GPATCH2: variants seen among roughly 807,000 people sequenced by gnomAD.
The protein encoded by GPATCH2 is G-patch domain containing 2.
A neutral mutation model predicts 58.0 loss-of-function variants in GPATCH2; 51 were observed. The observed-to-expected ratio is 0.88, with a 90% CI of 0.70 to 1.11. The LOEUF (loss-of-function observed/expected upper bound fraction) is 1.11, where lower values mean the gene tolerates loss of function less well. GPATCH2 is among the 50% of genes most tolerant of loss of function. The pLI is 0.00. For missense variants in GPATCH2, 625 were observed against 652.2 expected (o/e 0.96, Z 0.45); for synonymous variants, 222 against 218.5 (o/e 1.02, Z -0.14).
chr1:217,543,218 T>A (rs1477940590), intron 5 of GPATCH2, among the ~76,000 whole-genome samples: 2 of 152,020 alleles, frequency 1.3e-5, no homozygotes, highest in African/African-American at 4.8e-5. Flanking sequence ...AGAGTCAGTT[T>A]TAGATTTATG....
chr1:217,453,762 C>T lies in GPATCH2; in HGVS notation c.1278-4425G>A, dbSNP rs373170470. Among the ~76,000 whole-genome samples the T allele has an allele frequency of 1.2e-4, 19 of 152,182 alleles. No homozygotes were observed. The South Asian group carries it at 2.1e-3, about 17-fold the overall frequency. ...GCTTTTGACACGGGCTGACAAGGAC[C>T]GAAGCAGGCAGTGTCAGACGCAATA... On this transcript the variant is annotated intron_variant, in intron 8 of 9. Coordinates refer to ENST00000366935, the MANE Select transcript of GPATCH2 (RefSeq NM_018040.5).
intron 5 of GPATCH2, among the ~76,000 whole-genome samples, chr1:217,543,627 T>C (rs957926650): frequency 2.0e-5 from 3 of 152,144 alleles, no homozygotes; most frequent in African/African-American, 7.2e-5. Context: ...AAGTCATCTT[T>C]GTCTGACTTA....
intron 1 of GPATCH2, among the ~76,000 whole-genome samples, chr1:217,622,199 T>A (rs1360721078): frequency 6.6e-6 from 1 of 152,082 alleles, no homozygotes; most frequent in Non-Finnish European, 1.5e-5. Context: ...TAGGTAGCTA[T>A]TACATGGTTT....
chr1:217,455,418 C>T (rs1659896554), intron 8 of GPATCH2, among the ~76,000 whole-genome samples: 1 of 152,110 alleles, frequency 6.6e-6, no homozygotes, highest in African/African-American at 2.4e-5. Context: ...TGTTGATTAA[C>T]CTTCCACCAC....
intron 1 of GPATCH2, among the ~76,000 whole-genome samples, chr1:217,627,444 T>TA (rs1032027711): frequency 6.6e-6 from 1 of 151,396 alleles, no homozygotes; most frequent in Admixed American, 6.6e-5. Context: ...TCTATGGAGC[T>TA]AAAAAAAAAT....
At chr1:217,571,445 C>A (rs1174172616) in intron 5 of GPATCH2, among the ~76,000 whole-genome samples, 1 of 150,500 alleles carries the variant, frequency 6.6e-6, no homozygotes, top group East Asian at 2.0e-4. Flanking sequence ...GTTCCCAGAG[C>A]AAATGAAGAA....
chr1:217,513,633 A>T (rs573161782), intron 6 of GPATCH2, among the ~76,000 whole-genome samples: 8 of 152,314 alleles, frequency 5.3e-5, no homozygotes, highest in Non-Finnish European at 1.0e-4. Flanking sequence ...AGAACGAATT[A>T]ACCCCTGGAA....
At chr1:217,466,287 GA>G (rs59706923) in intron 8 of GPATCH2, among the ~76,000 whole-genome samples, 48,824 of 144,990 alleles carry the variant, frequency 0.34, 8,832 homozygotes, top group Admixed American at 0.52. Context: ...AACTAGAACT[GA>G]AAAAAAAAAA....
intron 8 of GPATCH2, among the ~76,000 whole-genome samples, chr1:217,458,281 A>G (rs1660048476): frequency 6.6e-6 from 1 of 152,120 alleles, no homozygotes; most frequent in Non-Finnish European, 1.5e-5. Context: ...GCTTTATCTA[A>G]AGCCTAGAGG....
chr1:217,441,965 C>A (rs545064789), intron 9 of GPATCH2, among the ~76,000 whole-genome samples: 1 of 152,092 alleles, frequency 6.6e-6, no homozygotes, highest in East Asian at 1.9e-4. Context: ...CCAGAAATAC[C>A]ATTTGACCCA....
chr1:217,436,757 T>G (rs1190415267), intron 9 of GPATCH2, among the ~76,000 whole-genome samples: 1 of 152,156 alleles, frequency 6.6e-6, no homozygotes, highest in African/African-American at 2.4e-5. Context: ...TTGGCCCCAT[T>G]TTGTAGATGT....
At chr1:217,469,984 G>T (rs1048128327) in intron 8 of GPATCH2, among the ~76,000 whole-genome samples, 1 of 152,086 alleles carries the variant, frequency 6.6e-6, no homozygotes, top group Non-Finnish European at 1.5e-5. Context: ...TTACACATTG[G>T]ATTAACAGAT....
At chr1:217,465,776 C>A (rs1258744161) in intron 8 of GPATCH2, among the ~76,000 whole-genome samples, 1 of 152,078 alleles carries the variant, frequency 6.6e-6, no homozygotes, top group Admixed American at 6.6e-5. Flanking sequence ...TGAAAACAGA[C>A]TAATATATAA....
At chr1:217,506,382 A>G (rs1229347354) in intron 6 of GPATCH2, among the ~76,000 whole-genome samples, 1 of 152,222 alleles carries the variant, frequency 6.6e-6, no homozygotes, top group Non-Finnish European at 1.5e-5. Flanking sequence ...AGGGGGACAA[A>G]GAAGTAGAAA....
At chr1:217,550,609 T>A (rs1018265193) in intron 5 of GPATCH2, among the ~76,000 whole-genome samples, 13 of 152,108 alleles carry the variant, frequency 8.5e-5, no homozygotes, top group Non-Finnish European at 1.8e-4. Flanking sequence ...AAGACATAGC[T>A]AATATCTATT....
At chr1:217,586,750 G>C (rs1220377870) in intron 5 of GPATCH2, among the ~76,000 whole-genome samples, 1 of 152,090 alleles carries the variant, frequency 6.6e-6, no homozygotes, top group East Asian at 1.9e-4. Context: ...GTTTACACCA[G>C]AATCACCACA....
chr1:217,615,290 T>C (rs1270164908), intron 2 of GPATCH2, among the ~76,000 whole-genome samples: 1 of 152,062 alleles, frequency 6.6e-6, no homozygotes, highest in East Asian at 1.9e-4. Context: ...ATGAAGAATA[T>C]AGGAATTTCT....
chr1:217,477,763 G>C (rs1661030833), intron 8 of GPATCH2, among the ~76,000 whole-genome samples: 1 of 152,120 alleles, frequency 6.6e-6, no homozygotes, highest in South Asian at 2.1e-4. Flanking sequence ...AGACTTCTAA[G>C]CTTTTTGATT....
chr1:217,607,529 A>G (rs1437231948), intron 5 of GPATCH2, among the ~76,000 whole-genome samples: 1 of 152,176 alleles, frequency 6.6e-6, no homozygotes, highest in Non-Finnish European at 1.5e-5. Flanking sequence ...TTATAGTGCT[A>G]TTGGCCATGA....
Sources: gnomAD v4.1 joint callset for allele counts (sites outside exome capture counted in the v4.1 genomes callset) on GRCh38, gnomAD v4.1.1 for gene constraint, MANE v1.5 for transcripts, NCBI Gene and HGNC (gene_info 2026-07-23, HGNC 2026-07-21) for gene names.